Variants in CTNNA2 observed in about 807,000 individuals in gnomAD.
CTNNA2 encodes catenin alpha-2.
In CTNNA2, 42 loss-of-function variants were observed where a neutral mutation model predicts 101.0. That is an observed-to-expected ratio of 0.42 (90% CI 0.32 to 0.54). The LOEUF (loss-of-function observed/expected upper bound fraction) is 0.54. CTNNA2 is among the 20% of genes least tolerant of loss of function. The pLI is 0.14. For synonymous variants in CTNNA2, 450 were observed against 456.4 expected (o/e 0.99, Z 0.18); for missense variants, 871 against 1,223.1 (o/e 0.71, Z 4.29).
chr2:79,897,398 G>A (rs780281488), intron 6 of CTNNA2, among the ~76,000 whole-genome samples: 1 of 151,498 alleles, frequency 6.6e-6, no homozygotes, highest in Non-Finnish European at 1.5e-5. Flanking sequence ...ACTTGAATAA[G>A]GGGGGAATAT....
intron 7 of CTNNA2, among the ~76,000 whole-genome samples, chr2:80,346,647 T>G (rs1246853115): frequency 6.6e-6 from 1 of 152,216 alleles, no homozygotes; most frequent in Non-Finnish European, 1.5e-5. Context: ...TGCCTGATTT[T>G]ATTGATAAGG....
At chr2:80,398,567 A>G (rs2149375518) in intron 8 of CTNNA2, among the ~76,000 whole-genome samples, 1 of 152,118 alleles carries the variant, frequency 6.6e-6, no homozygotes, top group East Asian at 2.0e-4. Flanking sequence ...TAGAAATGGG[A>G]TCAGAGGCTG....
intron 4 of CTNNA2, among the ~76,000 whole-genome samples, chr2:79,475,955 A>T (rs78246625): frequency 0.037 from 5,656 of 152,236 alleles, 236 homozygotes; most frequent in East Asian, 0.13. Flanking sequence ...TGGCAAATTC[A>T]TTTCTGTAGA....
At chr2:79,715,098 T>C (rs531956651) in intron 2 of CTNNA2, among the ~76,000 whole-genome samples, 1 of 149,714 alleles carries the variant, frequency 6.7e-6, no homozygotes, top group South Asian at 2.1e-4. Flanking sequence ...TCCCAGGTAC[T>C]TGGGAGGCTG....
At chr2:80,475,204 A>C (rs146569721) in intron 9 of CTNNA2, among the ~76,000 whole-genome samples, 95 of 152,334 alleles carry the variant, frequency 6.2e-4, no homozygotes, top group Admixed American at 1.8e-3. Flanking sequence ...CCAATGATGA[A>C]GTGGCCAACA....
chr2:79,618,920 C>T (rs908440175), intron 1 of CTNNA2, among the ~76,000 whole-genome samples: 10 of 152,060 alleles, frequency 6.6e-5, no homozygotes, highest in African/African-American at 2.4e-4. Flanking sequence ...AAAAGTGGTG[C>T]CCAGGTTGGG....
chr2:80,441,608 G>A (rs574664449), intron 9 of CTNNA2, among the ~76,000 whole-genome samples: 2 of 152,194 alleles, frequency 1.3e-5, no homozygotes, highest in East Asian at 1.9e-4. Context: ...TTTGATCTCC[G>A]TGACTTCTGT....
At chr2:80,632,958 C>G (rs1283148215) in intron 18 of CTNNA2, among the ~76,000 whole-genome samples, 1 of 152,178 alleles carries the variant, frequency 6.6e-6, no homozygotes, top group Non-Finnish European at 1.5e-5. Context: ...TCCAAACTTT[C>G]ACAGCCAGTA....
chr2:79,240,097 G>A (rs1572994431), intron 2 of CTNNA2, among the ~76,000 whole-genome samples: 1 of 151,650 alleles, frequency 6.6e-6, no homozygotes, highest in African/African-American at 2.4e-5. Flanking sequence ...TAGTAGAGAC[G>A]GGGTTTCTCC....
rs114960937 is a variant in CTNNA2, at chr2:79,271,714, C to T, written c.-405-40995C>T. On this transcript the variant is annotated intron_variant, in intron 2 of 21. Coordinates refer to the CTNNA2 transcript ENST00000466387. The stretch of plus-strand genomic sequence containing the variant: ...TAACAGACAGTGAGGAAGAAGGCTA[C>T]GTCCCTAGGGCAGGTCAGGAGGCCT... 7.4e-3 allele frequency among the ~76,000 whole-genome samples: 1,124 copies of T among 152,064 alleles called. 15 individuals carry two copies. Among genetic ancestry groups the T allele is most frequent in the African/African-American group, 0.025 (1,033 of 41,478 alleles).
intron 7 of CTNNA2, among the ~76,000 whole-genome samples, chr2:80,238,604 A>C (rs1489220275): frequency 6.6e-6 from 1 of 152,162 alleles, no homozygotes; most frequent in Non-Finnish European, 1.5e-5. Context: ...TAAGAACATG[A>C]AACAGTTCCT....
At chr2:79,821,083 A>G (rs1677964239) in intron 3 of CTNNA2, among the ~76,000 whole-genome samples, 1 of 152,216 alleles carries the variant, frequency 6.6e-6, no homozygotes, top group Admixed American at 6.5e-5. Context: ...TAGATATCTA[A>G]ATCTTTTCTT....
Position 79,558,682 on chromosome 2 carries a change from ATAG to A in CTNNA2, c.-6+45478_-6+45480del, listed in dbSNP as rs137999057. Among the ~76,000 whole-genome samples, 674 of 151,966 alleles carry A rather than the reference ATAG, an allele frequency of 4.4e-3. 3 individuals are homozygous for A. Among genetic ancestry groups the A allele is most frequent in the African/African-American group, 0.015 (633 of 41,500 alleles). ...AAGGATTTGGACACAGTGAAATGAGATAGTATAGGGAAAGTCTTTCTACACCCT... is the reference window on the plus strand; with the variant it reads ...AAGGATTTGGACACAGTGAAATGAGATATAGGGAAAGTCTTTCTACACCCT... On this transcript the variant is annotated intron_variant, in intron 1 of 18. Coordinates refer to ENST00000402739, the MANE Select transcript of CTNNA2 (RefSeq NM_001282597.3).
At chr2:79,849,032 G>T (rs1437932530) in intron 3 of CTNNA2, among the ~76,000 whole-genome samples, 2 of 152,150 alleles carry the variant, frequency 1.3e-5, no homozygotes, top group African/African-American at 4.8e-5. Flanking sequence ...TGTGAGATGA[G>T]AAAGGGGTGC....
At chr2:80,070,913 T>C (rs1698299335) in intron 7 of CTNNA2, among the ~76,000 whole-genome samples, 1 of 152,170 alleles carries the variant, frequency 6.6e-6, no homozygotes, top group African/African-American at 2.4e-5. Context: ...GGTCTCTTTG[T>C]GTCAACTGTT....
At chr2:79,434,212 C>A (rs1678688456) in intron 4 of CTNNA2, among the ~76,000 whole-genome samples, 1 of 148,982 alleles carries the variant, frequency 6.7e-6, no homozygotes, top group African/African-American at 2.5e-5. Context: ...GTAGGAGGAT[C>A]ACCTGAGCCT....
rs539655636 is a variant in CTNNA2, at chr2:79,769,076, C to T, written c.298+24494C>T. Among the ~76,000 whole-genome samples the T allele has an allele frequency of 7.2e-5, 11 of 152,190 alleles. No individual in the cohort carries two copies. In the East Asian group the frequency reaches 1.7e-3, roughly 24 times the overall value. On this transcript the variant is annotated intron_variant, in intron 3 of 18. Coordinates refer to ENST00000402739, the MANE Select transcript of CTNNA2 (RefSeq NM_001282597.3). ...TTCATCATGTTAGCCAGGATGGTCT[C>T]GATCTCCTGACCTCGTGATCCGCCC...
At chr2:79,431,476 T>C (rs1413309024) in intron 4 of CTNNA2, among the ~76,000 whole-genome samples, 1 of 152,080 alleles carries the variant, frequency 6.6e-6, no homozygotes, top group African/African-American at 2.4e-5. Flanking sequence ...AATACAAAAT[T>C]GCAAAGGAAA....
intron 17 of CTNNA2, among the ~76,000 whole-genome samples, chr2:80,610,322 C>T (rs1369597101): frequency 1.3e-5 from 2 of 151,696 alleles, no homozygotes; most frequent in Middle Eastern, 3.4e-3. Flanking sequence ...AAAATAGCCA[C>T]AAATGACTGC....
Sources: allele counts gnomAD v4.1 joint callset (sites outside exome capture counted in the v4.1 genomes callset), GRCh38; gene constraint gnomAD v4.1.1; transcripts MANE v1.5; gene names NCBI Gene and HGNC (gene_info 2026-07-23, HGNC 2026-07-21).